The following PCDHA12 variants were observed in gnomAD, a reference collection of about 807,000 sequenced individuals.
PCDHA12 encodes protocadherin alpha 12, also known as protocadherin alpha-12.
Under a neutral mutation model 60.0 loss-of-function variants are expected in PCDHA12, and 44 were observed. The observed-to-expected ratio is 0.73, with a 90% CI of 0.58 to 0.94. The LOEUF (loss-of-function observed/expected upper bound fraction) is 0.94, where lower values mean the gene tolerates loss of function less well. PCDHA12 is among the 40% of genes least tolerant of loss of function. The pLI is 0.00. For synonymous variants in PCDHA12, 569 were observed against 553.0 expected (o/e 1.03, Z -0.40); for missense variants, 1,276 against 1,239.7 (o/e 1.03, Z -0.44).
At chr5:140,954,520 A>G (rs1554221455) in intron 1 of PCDHA12, among the ~76,000 whole-genome samples, 1 of 152,192 alleles carries the variant, frequency 6.6e-6, no homozygotes, top group Admixed American at 6.6e-5. Context: ...CCTAATGATC[A>G]GTGATGTTGA....
rs782184518 is a variant in PCDHA12 at position 140,875,731 on chromosome 5, A to G, written c.259A>G (p.Asn87Asp). The change falls in exon 1 of 4, where the codon AAT becomes GAT. Residue 87 changes from asparagine to aspartate, a missense_variant. Transcript: ENST00000398631. ...VNLQNGILFVNSRIDREKLCG... is the reference protein window; with the variant it reads ...VNLQNGILFVDSRIDREKLCG... ...TCTGCAGAATGGCATTTTGTTTGTG[A>G]ATTCTCGGATCGACCGCGAGAAGCT... The G allele has an allele frequency of 1.2e-6, 2 of 1,614,032 alleles. No individual in the cohort carries two copies. Among genetic ancestry groups the G allele is most frequent in the African/African-American group, 2.7e-5 (2 of 74,906 alleles).
At chr5:140,966,831 G>A in intron 1 of PCDHA12, 1 of 1,563,110 alleles carries the variant, frequency 6.4e-7, no homozygotes, top group Non-Finnish European at 8.6e-7. Flanking sequence ...CCCATGCCCT[G>A]GCTGCTGCTA....
intron 1 of PCDHA12, chr5:140,884,420 T>A: frequency 1.2e-6 from 2 of 1,613,972 alleles, no homozygotes; most frequent in Non-Finnish European, 8.5e-7. Context: ...GTTGCTGCTG[T>A]ATACTGCGCT....
In PCDHA12 at chr5:140,991,838, G is replaced by A. The variant is rs1056330823; in HGVS notation, c.2515+9275G>A. 3.3e-5 allele frequency among the ~76,000 whole-genome samples: 5 copies of A among 152,110 alleles called. No homozygotes were observed. In the East Asian group the frequency reaches 9.6e-4, roughly 29 times the overall value. ...TTTAGGCATTTATAACGGCAGAACC[G>A]CACTTCCAGATACCAAAATCTGTAT... On this transcript the variant is annotated intron_variant, in intron 3 of 3. Transcript: ENST00000398631.
chr5:140,894,197 A>C (rs1378272032), intron 1 of PCDHA12, among the ~76,000 whole-genome samples: 1 of 152,008 alleles, frequency 6.6e-6, no homozygotes, highest in Non-Finnish European at 1.5e-5. Context: ...TATTTTTTCT[A>C]TGCTATTATA....
At chr5:140,882,080 C>A in intron 1 of PCDHA12, 1 of 970,966 alleles carries the variant, frequency 1.0e-6, no homozygotes, top group Non-Finnish European at 1.5e-6. Flanking sequence ...CATGGTGTCG[C>A]TCTTCACTGA....
At chr5:140,884,344 G>C in intron 1 of PCDHA12, 1 of 1,613,904 alleles carries the variant, frequency 6.2e-7, no homozygotes, top group Non-Finnish European at 8.5e-7. Context: ...CAGAAGCGGC[G>C]CTGGTGGATG....
intron 2 of PCDHA12, 90 bp downstream of exon 2, chr5:140,979,097 C>T (rs2096835129): frequency 9.0e-6 from 14 of 1,547,204 alleles, no homozygotes; most frequent in African/African-American, 1.4e-5. Context: ...AAGCAGCTGT[C>T]AAAACTAAAA....
chr5:140,938,793 A>G lies in PCDHA12; in HGVS notation c.2368-40156A>G, dbSNP rs543840345. 2.6e-5 allele frequency among the ~76,000 whole-genome samples: 4 copies of G among 152,268 alleles called. No individual in the cohort carries two copies. The East Asian group carries it at 7.7e-4, about 29-fold the overall frequency. On this transcript the variant is annotated intron_variant, in intron 1 of 3. Coordinates refer to ENST00000398631, the MANE Select transcript of PCDHA12 (RefSeq NM_018903.4). ...AGACTTAGTACCTGAATGATGAAAT[A>G]ATCGGTACCACAAACCCCTGTGACA...
At chr5:140,898,026 T>G (rs11167645) in intron 1 of PCDHA12, among the ~76,000 whole-genome samples, 49,476 of 151,852 alleles carry the variant, frequency 0.33, 8,303 homozygotes, top group East Asian at 0.53. Flanking sequence ...GCCCACTTTT[T>G]GATGGGGTTG....
chr5:140,972,359 A>T (rs1466504264), intron 1 of PCDHA12, among the ~76,000 whole-genome samples: 3 of 151,418 alleles, frequency 2.0e-5, no homozygotes, highest in Non-Finnish European at 4.4e-5. Flanking sequence ...TATGTTGCAC[A>T]TGCTGTTAGT....
chr5:140,888,811 T>C (rs187578319), intron 1 of PCDHA12, among the ~76,000 whole-genome samples: 124 of 152,270 alleles, frequency 8.1e-4, no homozygotes, highest in African/African-American at 1.8e-3. Context: ...CAGTGATCTG[T>C]GATCTGTGAT....
chr5:140,877,380 C>A lies in PCDHA12; in HGVS notation c.1908C>A (p.Ile636=). ...CTGGCGAGATCAGCACGACACGCAT[C>A]CTGGATGAGGCGGACGCTCCGCGCC... ...LYTGEISTTR[I]LDEADAPRHR... is the part of the protein sequence containing the mutation. The change falls in exon 1 of 4, where the codon ATC becomes ATA. Residue 636 remains isoleucine (I), a synonymous_variant. Transcript: ENST00000398631. The A allele has an allele frequency of 6.2e-7, 1 of 1,613,980 alleles. No homozygotes were observed. The highest frequency in any genetic ancestry group is 8.5e-7 in the Non-Finnish European group (1 of 1,179,896).
intron 1 of PCDHA12, among the ~76,000 whole-genome samples, chr5:140,933,053 G>C (rs2088831256): frequency 6.6e-6 from 1 of 151,948 alleles, no homozygotes; most frequent in Non-Finnish European, 1.5e-5. Flanking sequence ...TTACAGTCCA[G>C]GATCCTGACT....
At chr5:141,007,573 T>G (rs2153992759) in intron 3 of PCDHA12, among the ~76,000 whole-genome samples, 1 of 151,796 alleles carries the variant, frequency 6.6e-6, no homozygotes, top group African/African-American at 2.4e-5. Context: ...ATCTCAAATT[T>G]AAAAAATAAT....
chr5:140,927,294 C>T (rs781944508), intron 1 of PCDHA12: 10 of 1,614,062 alleles, frequency 6.2e-6, no homozygotes, highest in South Asian at 3.3e-5. Context: ...TGCACATCCC[C>T]GAGTTCCTGA....
chr5:140,973,719 C>T (rs1184460895), intron 1 of PCDHA12, among the ~76,000 whole-genome samples: 8 of 152,228 alleles, frequency 5.3e-5, no homozygotes, highest in African/African-American at 1.7e-4. Flanking sequence ...TGAGCCATCA[C>T]ATGGGCATCT....
At chr5:140,884,439 C>T (rs1554181562) in intron 1 of PCDHA12, 1 of 1,613,818 alleles carries the variant, frequency 6.2e-7, no homozygotes, top group Non-Finnish European at 8.5e-7. Flanking sequence ...CTGCGGTGCT[C>T]GGCACCGCCC....
chr5:140,905,882 A>G (rs1213836068), intron 1 of PCDHA12, among the ~76,000 whole-genome samples: 1 of 152,192 alleles, frequency 6.6e-6, no homozygotes, highest in Admixed American at 6.5e-5. Context: ...GCCCAACAAT[A>G]GGCCATCTGC....
Sources: gnomAD v4.1 joint callset for allele counts (sites outside exome capture counted in the v4.1 genomes callset) on GRCh38, gnomAD v4.1.1 for gene constraint, MANE v1.5 for transcripts, NCBI Gene and HGNC (gene_info 2026-07-23, HGNC 2026-07-21) for gene names.